Variants in UBAP1 observed in about 807,000 individuals in gnomAD.
The protein encoded by UBAP1 is ubiquitin-associated protein 1.
Under a neutral mutation model 39.0 loss-of-function variants are expected in UBAP1, and 5 were observed. That is an observed-to-expected ratio of 0.13 (90% CI 0.07 to 0.27). The LOEUF (loss-of-function observed/expected upper bound fraction) is 0.27, where lower values mean the gene tolerates loss of function less well. Among genes scored for constraint, UBAP1 ranks in the 10% least tolerant of loss-of-function variants. The pLI is 1.00. For missense variants in UBAP1, 490 were observed against 608.1 expected (o/e 0.81, Z 2.04); for synonymous variants, 211 against 225.1 (o/e 0.94, Z 0.56).
At chr9:34,218,364 G>A (rs921598307) in intron 1 of UBAP1, among the ~76,000 whole-genome samples, 2 of 146,774 alleles carry the variant, frequency 1.4e-5, no homozygotes, top group Non-Finnish European at 3.0e-5. Flanking sequence ...TATTCTAGGT[G>A]TTGTTTGGAA....
At chr9:34,221,267 A>C (rs1450256738) in intron 2 of UBAP1, among the ~76,000 whole-genome samples, 5 of 152,044 alleles carry the variant, frequency 3.3e-5, no homozygotes, top group Admixed American at 2.0e-4. Context: ...CGGTGGTTCA[A>C]GCCTGTAATC....
intron 1 of UBAP1, among the ~76,000 whole-genome samples, chr9:34,199,611 GTTT>G (rs1243528549): frequency 6.9e-6 from 1 of 145,358 alleles, no homozygotes; most frequent in Non-Finnish European, 1.6e-5. Context: ...GATTTCCCCT[GTTT>G]TTCTTTCTTC....
chr9:34,210,621 A>C (rs1831964251), intron 1 of UBAP1, among the ~76,000 whole-genome samples: 1 of 151,870 alleles, frequency 6.6e-6, no homozygotes, highest in South Asian at 2.1e-4. Flanking sequence ...TGGGAGGCTG[A>C]GGCAGGAGGA....
intron 2 of UBAP1, chr9:34,224,316 G>C: frequency 2.2e-6 from 1 of 447,714 alleles, no homozygotes; most frequent in East Asian, 3.6e-5. Flanking sequence ...ATGGTGTGCT[G>C]TCAATGAGCA....
At chr9:34,235,826 C>CTT (rs1209543348) in intron 3 of UBAP1, among the ~76,000 whole-genome samples, 8 of 138,248 alleles carry the variant, frequency 5.8e-5, no homozygotes, top group Non-Finnish European at 1.3e-4. Context: ...CATTTTTAAT[C>CTT]TTTTTTTTTT....
At chr9:34,182,842 C>A (rs919554842) in intron 1 of UBAP1, among the ~76,000 whole-genome samples, 18 of 152,096 alleles carry the variant, frequency 1.2e-4, no homozygotes, top group African/African-American at 4.3e-4. Flanking sequence ...TCCTGAATAG[C>A]TGGGACTACA....
At chr9:34,238,927 C>T (rs1411246924) in intron 3 of UBAP1, among the ~76,000 whole-genome samples, 1 of 152,164 alleles carries the variant, frequency 6.6e-6, no homozygotes, top group East Asian at 1.9e-4. Flanking sequence ...TCTGAAGCAC[C>T]AATAAAAGCA....
intron 1 of UBAP1, among the ~76,000 whole-genome samples, chr9:34,184,926 CTTTTTTTTT>C (rs35634769): frequency 9.5e-6 from 1 of 105,032 alleles, no homozygotes; most frequent in African/African-American, 3.9e-5. Context: ...CCAGCCAATC[CTTTTTTTTT>C]TTTTTTTTTT....
At chr9:34,208,990 A>C (rs1296939028) in intron 1 of UBAP1, among the ~76,000 whole-genome samples, 2 of 151,210 alleles carry the variant, frequency 1.3e-5, no homozygotes, top group East Asian at 4.0e-4. Context: ...GCTGGAGTGC[A>C]GTGGCGTGAT....
At position 34,241,836 on chromosome 9, in the gene UBAP1, C is replaced by T. The variant is rs749580105; in HGVS notation, c.811C>T (p.Leu271Phe). The change falls in exon 4 of 7, where the codon CTT becomes TTT. Residue 271 changes from leucine to phenylalanine, a missense_variant. By Grantham distance (22) the Leu-to-Phe change is conservative. Coordinates refer to ENST00000297661, the MANE Select transcript of UBAP1 (RefSeq NM_016525.5). Reference protein sequence around the residue: ...SNIKSLSFPKLDSDDSNQKTA... With the variant: ...SNIKSLSFPKFDSDDSNQKTA... ...TATCAAATCCCTGTCTTTCCCCAAA[C>T]TTGACTCTGATGACAGCAATCAGAA... 2.5e-6 allele frequency: 4 copies of T among 1,614,158 alleles called. No individual in the cohort carries two copies. The highest frequency in any genetic ancestry group is 3.4e-6 in the Non-Finnish European group (4 of 1,180,046).
In UBAP1 at chr9:34,179,080, C is replaced by T. The variant is rs1026619089; in HGVS notation, c.-168C>T. 1.9e-5 allele frequency: 24 copies of T among 1,276,876 alleles called. No homozygotes were observed. The highest frequency in any genetic ancestry group is 1.1e-4 in the African/African-American group (7 of 65,126). The allele number at this position is 1,276,876 out of a possible 1,614,324, so 79.1% of individuals were successfully genotyped here. On this transcript the variant is annotated 5_prime_UTR_variant, in exon 1 of 7. Coordinates refer to ENST00000297661, the MANE Select transcript of UBAP1 (RefSeq NM_016525.5). ...TTCAACATGGCGGCTGCGGCACTGG[C>T]GGTGGCTACGGTGACGGCCTGGCCC...
At chr9:34,249,993 C>T (rs761002887) in intron 5 of UBAP1, 32 bp downstream of exon 5, 3 of 1,609,638 alleles carry the variant, frequency 1.9e-6, no homozygotes, top group Admixed American at 1.7e-5. Context: ...AGGGCAGGCT[C>T]AGACCTGTGG....
chr9:34,206,107 T>G (rs1456430463), intron 1 of UBAP1: 1 of 152,224 alleles, frequency 6.6e-6, no homozygotes. Flanking sequence ...TGTAATCTGT[T>G]TTTATTAAAC....
chr9:34,226,171 A>G (rs1270345315), intron 2 of UBAP1, among the ~76,000 whole-genome samples: 1 of 71,582 alleles, frequency 1.4e-5, no homozygotes, highest in Non-Finnish European at 3.2e-5. Context: ...GGCTGGAGGG[A>G]TTGCTTGAGG....
chr9:34,213,356 C>T (rs981953794), intron 1 of UBAP1, among the ~76,000 whole-genome samples: 1 of 151,918 alleles, frequency 6.6e-6, no homozygotes, highest in African/African-American at 2.4e-5. Flanking sequence ...TCTAAAAATA[C>T]AAAAATTAGC....
At position 34,241,187 on chromosome 9, in the gene UBAP1, T is replaced by C. The variant is rs188087234; in HGVS notation, c.162T>C (p.Tyr54=). 34 of 1,468,186 alleles carry C rather than the reference T, an allele frequency of 2.3e-5. No homozygotes were observed. In the Admixed American group the frequency reaches 6.4e-4, roughly 27 times the overall value. 90.9% of individuals were successfully genotyped at this position (1,468,186 alleles called of 1,614,324 possible). A position where few individuals can be genotyped will look rare whatever the true frequency, so the allele number is the denominator to read the frequency against. The change falls in exon 4 of 7, where the codon TAT becomes TAC. Residue 54 remains tyrosine, a splice_region_variant and synonymous_variant. Transcript: ENST00000297661. ...CTTCCTCTGCTATATCTTTGCAGTA[T>C]GACTTCTCTTTGGAAAAGAAAACCA... is the stretch of plus-strand genomic sequence containing the variant. ...DCLQVVREVQ[Y]DFSLEKKTIE...
At chr9:34,249,633 C>T in intron 4 of UBAP1, 146 bp from the exon 5 acceptor site, 1 of 732,788 alleles carries the variant, frequency 1.4e-6, no homozygotes, top group Non-Finnish European at 2.3e-6. Context: ...GGGTGTCTGA[C>T]CAGCAACCTG....
intron 3 of UBAP1, among the ~76,000 whole-genome samples, chr9:34,235,889 A>G (rs1042584881): frequency 2.0e-5 from 3 of 150,076 alleles, no homozygotes; most frequent in African/African-American, 7.4e-5. Context: ...CTGGAGTGCA[A>G]TGGCGCGATC....
chr9:34,187,012 A>G (rs1380580887), intron 1 of UBAP1, among the ~76,000 whole-genome samples: 1 of 152,076 alleles, frequency 6.6e-6, no homozygotes. Context: ...GGTTCAAGCA[A>G]TTCTCCTGTC....
Sources: allele counts gnomAD v4.1 joint callset (sites outside exome capture counted in the v4.1 genomes callset), GRCh38; gene constraint gnomAD v4.1.1; transcripts MANE v1.5; gene names NCBI Gene and HGNC (gene_info 2026-07-23, HGNC 2026-07-21).